The following GPR158 variants were observed in gnomAD, a reference collection of about 807,000 sequenced individuals.
GPR158 encodes the protein metabotropic glycine receptor.
GPR158 carries 30 observed loss-of-function variants against 78.2 expected under a neutral mutation model. The ratio of observed to expected loss-of-function variants is 0.38; its 90% CI spans 0.29 to 0.52. GPR158 has a LOEUF of 0.52. Ranked by LOEUF, GPR158 falls within the 20% of genes least tolerant of loss-of-function variation. The probability of loss-of-function intolerance (pLI) is 0.83; values close to 1 mark genes in which losing one functional copy is unlikely to be tolerated. For missense variants in GPR158, 1,463 were observed against 1,523.5 expected (o/e 0.96, Z 0.66); for synonymous variants, 581 against 591.1 (o/e 0.98, Z 0.25).
intron 6 of GPR158, among the ~76,000 whole-genome samples, chr10:25,562,666 T>C (rs1221208133): frequency 6.6e-6 from 1 of 152,214 alleles, no homozygotes; most frequent in Non-Finnish European, 1.5e-5. Flanking sequence ...TTCTGAAATT[T>C]ATTGAGACTG....
At chr10:25,292,188 G>T (rs1293521861) in intron 2 of GPR158, among the ~76,000 whole-genome samples, 1 of 151,892 alleles carries the variant, frequency 6.6e-6, no homozygotes, top group Non-Finnish European at 1.5e-5. Flanking sequence ...CAGTGGTGGG[G>T]GTGGGGGGTA....
chr10:25,332,120 G>C (rs2130493493), intron 2 of GPR158, among the ~76,000 whole-genome samples: 1 of 152,064 alleles, frequency 6.6e-6, no homozygotes, highest in Non-Finnish European at 1.5e-5. Context: ...CACCTGGGGG[G>C]GGGCGAATAC....
Position 25,444,126 on chromosome 10 carries a change from A to T in GPR158, c.1336-22525A>T, listed in dbSNP as rs562882147. 1.6e-3 allele frequency among the ~76,000 whole-genome samples: 244 copies of T among 150,578 alleles called. 4 individuals carry two copies. The highest frequency in any genetic ancestry group is 5.7e-3 in the African/African-American group (235 of 41,410). On this transcript the variant is annotated intron_variant, in intron 4 of 10. Transcript: ENST00000376351. ...TTGCCAGATATCCCCTGGGGGGAAA[A>T]ATTACTCCTGGTGGTTGAAAACCAC...
intron 2 of GPR158, among the ~76,000 whole-genome samples, chr10:25,360,186 T>G (rs1329124458): frequency 6.6e-6 from 1 of 152,208 alleles, no homozygotes; most frequent in Non-Finnish European, 1.5e-5. Context: ...GTAAAAATTT[T>G]CTCCCATTCT....
intron 7 of GPR158, among the ~76,000 whole-genome samples, chr10:25,573,544 A>G (rs1398453786): frequency 6.6e-6 from 1 of 152,218 alleles, no homozygotes; most frequent in Admixed American, 6.5e-5. Context: ...CTGGCAGCCC[A>G]GTGTTTTGAA....
chr10:25,501,674 C>T (rs945941881), intron 5 of GPR158, among the ~76,000 whole-genome samples: 4 of 152,098 alleles, frequency 2.6e-5, no homozygotes, highest in Admixed American at 6.5e-5. Context: ...CTCAGAGAGA[C>T]GTGTGTATAT....
rs114041821 is a variant in GPR158, at chr10:25,335,466, T to C, written c.1009-60445T>C. 3.5e-3 allele frequency among the ~76,000 whole-genome samples: 528 copies of C among 152,216 alleles called. 3 individuals are homozygous for C. Among genetic ancestry groups the C allele is most frequent in the African/African-American group, 0.012 (509 of 41,554 alleles). Reference sequence around the variant, plus strand: ...TCTGTACTAAAATAGCTCAACATGCTAATTCCAATAGTCCATGGCTTTAGT... The same window carrying C: ...TCTGTACTAAAATAGCTCAACATGCCAATTCCAATAGTCCATGGCTTTAGT... On this transcript the variant is annotated intron_variant, in intron 2 of 10. Coordinates refer to ENST00000376351, the MANE Select transcript of GPR158 (RefSeq NM_020752.3).
intron 2 of GPR158, among the ~76,000 whole-genome samples, chr10:25,368,217 A>G (rs1833925858): frequency 6.6e-6 from 1 of 151,806 alleles, no homozygotes; most frequent in Non-Finnish European, 1.5e-5. Flanking sequence ...GTTACCTCCT[A>G]AATAAACTAC....
intron 1 of GPR158, among the ~76,000 whole-genome samples, chr10:25,180,615 G>A (rs1300941935): frequency 1.3e-5 from 2 of 152,164 alleles, no homozygotes; most frequent in South Asian, 4.1e-4. Flanking sequence ...GTGGAACTTT[G>A]CCTCAAGTCC....
chr10:25,450,830 T>C (rs1328177408), intron 4 of GPR158, among the ~76,000 whole-genome samples: 1 of 152,174 alleles, frequency 6.6e-6, no homozygotes, highest in Admixed American at 6.6e-5. Flanking sequence ...AGCTCCTCTG[T>C]TTCCTCCCAT....
At chr10:25,586,140 G>A (rs1837262648) in intron 7 of GPR158, among the ~76,000 whole-genome samples, 1 of 152,142 alleles carries the variant, frequency 6.6e-6, no homozygotes, top group Non-Finnish European at 1.5e-5. Context: ...AACAGGATTT[G>A]TGAAATAATA....
chr10:25,340,833 G>C (rs543522224), intron 2 of GPR158, among the ~76,000 whole-genome samples: 374 of 152,148 alleles, frequency 2.5e-3, no homozygotes, highest in Non-Finnish European at 4.4e-3. Flanking sequence ...GAGAATACTG[G>C]TGAGAGAAAT....
intron 4 of GPR158, among the ~76,000 whole-genome samples, chr10:25,447,260 C>G (rs1835149777): frequency 6.6e-6 from 1 of 152,056 alleles, no homozygotes; most frequent in Non-Finnish European, 1.5e-5. Context: ...CTGGATATAG[C>G]ATGTTCTTGA....
intron 2 of GPR158, among the ~76,000 whole-genome samples, chr10:25,249,387 G>C (rs1853755654): frequency 6.6e-6 from 1 of 152,168 alleles, no homozygotes; most frequent in Non-Finnish European, 1.5e-5. Flanking sequence ...CCTGTCTTGT[G>C]CCAGTTTTCA....
At chr10:25,385,007 C>T (rs117910900) in intron 2 of GPR158, among the ~76,000 whole-genome samples, 1 of 151,996 alleles carries the variant, frequency 6.6e-6, no homozygotes, top group Admixed American at 6.6e-5. Context: ...CTATCTTAAC[C>T]TATTTAACTG....
intron 2 of GPR158, among the ~76,000 whole-genome samples, chr10:25,224,740 C>A (rs529610071): frequency 4.1e-4 from 62 of 152,216 alleles, no homozygotes; most frequent in African/African-American, 1.2e-3. Context: ...AAATTGTCAA[C>A]TATGTTTGCT....
At position 25,221,100 on chromosome 10, in the gene GPR158, A is replaced by G; in HGVS notation, c.951A>G (p.Gln317=). The G allele has an allele frequency of 6.2e-7, 1 of 1,604,806 alleles. No homozygotes were observed. The change falls in exon 2 of 11, where the codon CAA becomes CAG. Residue 317 remains glutamine (Q), a synonymous_variant. Transcript: ENST00000376351. ...DINLQKVDID[Q]CSSDGWFSGT... ...ATCTTCAGAAAGTGGACATTGACCA[A>G]TGCTCAAGTGATGGCTGGTTTTCAG... is the stretch of plus-strand genomic sequence containing the variant.
Position 25,350,520 on chromosome 10 carries a change from T to A in GPR158, c.1009-45391T>A, listed in dbSNP as rs1294467185. 2.0e-5 allele frequency among the ~76,000 whole-genome samples: 3 copies of A among 151,970 alleles called. No individual in the cohort carries two copies. In the East Asian group the frequency reaches 5.8e-4, roughly 29 times the overall value. ...CATATTTGTGGAGCTACAACACTAC[T>A]TTCTTGACTTAGCCCCGTTGGTCAG... On this transcript the variant is annotated intron_variant, in intron 2 of 10. Transcript: ENST00000376351.
intron 5 of GPR158, among the ~76,000 whole-genome samples, chr10:25,523,031 G>C (rs1209617660): frequency 6.6e-6 from 1 of 152,178 alleles, no homozygotes; most frequent in African/African-American, 2.4e-5. Context: ...AGAGTAACTG[G>C]TTAAGGCAAC....
Sources: allele counts gnomAD v4.1 joint callset (sites outside exome capture counted in the v4.1 genomes callset), GRCh38; gene constraint gnomAD v4.1.1; transcripts MANE v1.5; gene names NCBI Gene and HGNC (gene_info 2026-07-23, HGNC 2026-07-21).